FRMPD1: variants seen among roughly 807,000 people sequenced by gnomAD.
FRMPD1 encodes FERM and PDZ domain containing 1, also known as FERM and PDZ domain-containing protein 1.
A neutral mutation model predicts 117.8 loss-of-function variants in FRMPD1; 76 were observed. That is an observed-to-expected ratio of 0.65 (90% CI 0.54 to 0.78). FRMPD1 has a LOEUF of 0.78. FRMPD1 is among the 30% of genes least tolerant of loss of function. FRMPD1 has a pLI of 0.00. For missense variants in FRMPD1, 1,786 were observed against 1,964.5 expected (o/e 0.91, Z 1.72); for synonymous variants, 783 against 770.4 (o/e 1.02, Z -0.27).
At chr9:37,686,520 C>G (rs1563931444) in intron 1 of FRMPD1, among the ~76,000 whole-genome samples, 1 of 152,160 alleles carries the variant, frequency 6.6e-6, no homozygotes, top group Non-Finnish European at 1.5e-5. Flanking sequence ...AGGTCATTCT[C>G]TTGACTTTAA....
At chr9:37,650,577 G>C (rs536576198), upstream of FRMPD1, among the ~76,000 whole-genome samples, 61 of 152,336 alleles carry the variant, frequency 4.0e-4, no homozygotes, top group Middle Eastern at 6.8e-3. Context: ...AAAAGGAGGC[G>C]TGAGAAGGGG....
intron 2 of FRMPD1, among the ~76,000 whole-genome samples, chr9:37,697,506 G>A (rs1297612608): frequency 2.6e-5 from 4 of 152,020 alleles, no homozygotes; most frequent in South Asian, 4.2e-4. Context: ...GGCGGAGCTT[G>A]CAGTGAGCCG....
At chr9:37,664,489 G>A (rs573211304) in intron 1 of FRMPD1, among the ~76,000 whole-genome samples, 11 of 151,508 alleles carry the variant, frequency 7.3e-5, no homozygotes, top group African/African-American at 2.7e-4. Flanking sequence ...ACCCCCGACA[G>A]GCCCCGGTGT....
intron 4 of FRMPD1, among the ~76,000 whole-genome samples, chr9:37,710,289 A>G (rs1822857897): frequency 6.6e-6 from 1 of 152,208 alleles, no homozygotes; most frequent in Admixed American, 6.5e-5. Context: ...ACCAGCAGCA[A>G]TTGGCCTAAA....
rs746310483 is a variant in FRMPD1, at chr9:37,740,270, C to T, written c.1742C>T (p.Thr581Met). The T allele has an allele frequency of 6.8e-6, 11 of 1,613,692 alleles. No homozygotes were observed. The highest frequency in any genetic ancestry group is 2.7e-5 in the African/African-American group (2 of 74,900). Residue 581 changes from threonine to methionine, a missense_variant, in exon 15 of 16, where the codon ACG becomes ATG. Thr to Met is a moderately conservative substitution (Grantham distance 81). Coordinates refer to ENST00000377765, the MANE Select transcript of FRMPD1 (RefSeq NM_014907.3). This position sits in a 1 kb window ranked among gnomAD's most constrained non-coding sequence, Gnocchi z 4.2. ...CCCAGCACCTGCGGGGCCAGCAGCA[C>T]GACAGACAGTGCCGAGTCCGAGGCG... ...RGPSTCGASS[T>M]TDSAESEASD...
At chr9:37,715,704 T>C (rs1431504574) in intron 5 of FRMPD1, 1 of 456,272 alleles carries the variant, frequency 2.2e-6, no homozygotes, top group Non-Finnish European at 4.4e-6. Context: ...GTTTATAATA[T>C]GTTCTAGATG....
chr9:37,665,322 A>C (rs926890740), intron 1 of FRMPD1, among the ~76,000 whole-genome samples: 1 of 152,228 alleles, frequency 6.6e-6, no homozygotes, highest in Non-Finnish European at 1.5e-5. Context: ...CACATGTATT[A>C]CTTTTATAAG....
At chr9:37,699,601 T>C (rs1822462474) in intron 2 of FRMPD1, among the ~76,000 whole-genome samples, 1 of 152,218 alleles carries the variant, frequency 6.6e-6, no homozygotes, top group African/African-American at 2.4e-5. Context: ...ATTACAGGCA[T>C]GAGCCACCGC....
At chr9:37,661,869 A>G (rs1457076276) in intron 1 of FRMPD1, 2 of 152,484 alleles carry the variant, frequency 1.3e-5, no homozygotes, top group East Asian at 1.9e-4. Context: ...ACCCTTGACC[A>G]AAGACCAGTC....
intron 1 of FRMPD1, among the ~76,000 whole-genome samples, chr9:37,685,847 T>C (rs1420297082): frequency 1.3e-5 from 2 of 152,250 alleles, no homozygotes; most frequent in Non-Finnish European, 2.9e-5. Context: ...TTTAGTTTCT[T>C]TTTTATCCTT....
At chr9:37,711,582 G>A (rs1398899393) in intron 5 of FRMPD1, among the ~76,000 whole-genome samples, 187 bp downstream of exon 5, 2 of 152,174 alleles carry the variant, frequency 1.3e-5, no homozygotes, top group Non-Finnish European at 2.9e-5. Context: ...TACTGTGGAG[G>A]AAACAGATAT....
chr9:37,608,984 G>C, the FRMPD1 span, among the ~76,000 whole-genome samples: 2 of 152,140 alleles, frequency 1.3e-5, no homozygotes, highest in Non-Finnish European at 1.5e-5. Flanking sequence ...CAACATCTCT[G>C]TTTGGATGTT....
In FRMPD1 at chr9:37,708,473, T is replaced by C; in HGVS notation, c.334T>C (p.Ser112Pro). ...GAACAATGAGCCTGCTGAAGACCTT[T>C]CCTGGGAACGAGCAGTCGATATTCT... ...QMNNEPAEDL[S>P]WERAVDILRE... The change falls in exon 4 of 16, where the codon TCC becomes CCC. Residue 112 changes from serine to proline, a missense_variant. Physicochemically the swap from Ser to Pro is moderately conservative, Grantham distance 74. Transcript: ENST00000377765. 1 of 1,610,404 alleles carries C rather than the reference T, an allele frequency of 6.2e-7. No individual in the cohort carries two copies. Among genetic ancestry groups the C allele is most frequent in the Non-Finnish European group, 8.5e-7 (1 of 1,176,556 alleles).
chr9:37,724,197 GA>G, intron 6 of FRMPD1, 27 bp from the exon 7 acceptor site: 4 of 1,157,854 alleles, frequency 3.5e-6, no homozygotes, highest in South Asian at 1.2e-5. Flanking sequence ...AAAAGACAGG[GA>G]TACAACAATA....
rs1822730489 is a variant in FRMPD1 at position 37,706,983 on chromosome 9, CATT to C, written c.102-432_102-430del. Reference sequence around the variant, plus strand: ...CCATCCATCCATCCATCCATTCATTCATTGATTCACTCAGCAGCAGTTATTGAA... The same window carrying C: ...CCATCCATCCATCCATCCATTCATTCGATTCACTCAGCAGCAGTTATTGAA... On this transcript the variant is annotated intron_variant, in intron 2 of 15. Coordinates refer to ENST00000377765, the MANE Select transcript of FRMPD1 (RefSeq NM_014907.3). 2.0e-5 allele frequency among the ~76,000 whole-genome samples: 3 copies of C among 151,526 alleles called. No individual in the cohort carries two copies. The South Asian group carries it at 6.2e-4, about 32-fold the overall frequency.
chr9:37,615,446 T>C, the FRMPD1 span, among the ~76,000 whole-genome samples: 4 of 152,160 alleles, frequency 2.6e-5, no homozygotes, highest in African/African-American at 4.8e-5. Context: ...TCGCTTCTGA[T>C]TGAGCTTTTC....
intron 5 of FRMPD1, 150 bp downstream of exon 5, chr9:37,711,545 GT>G (rs1822911734): frequency 1.4e-6 from 1 of 693,848 alleles, no homozygotes; most frequent in African/African-American, 1.8e-5. Flanking sequence ...GTCAGTCCAT[GT>G]TATCTGAAGA....
At chr9:37,656,174 CG>C in intron 1 of FRMPD1, among the ~76,000 whole-genome samples, 1 of 152,142 alleles carries the variant, frequency 6.6e-6, no homozygotes, top group East Asian at 1.9e-4. Context: ...TGGTCTGTAT[CG>C]GATTGACAAA....
At chr9:37,637,324 C>T in the FRMPD1 span, 15 of 1,080,082 alleles carry the variant, frequency 1.4e-5, no homozygotes, top group Non-Finnish European at 2.0e-5. Context: ...CAGTCGCTCC[C>T]AGTCGGCTCT....
Sources: gnomAD v4.1 joint callset for allele counts (sites outside exome capture counted in the v4.1 genomes callset) on GRCh38, gnomAD v4.1.1 for gene constraint, Gnocchi (gnomAD v3.1) non-coding constraint, MANE v1.5 for transcripts, NCBI Gene and HGNC (gene_info 2026-07-23, HGNC 2026-07-21) for gene names.